Variants in ZNF37A observed in about 807,000 individuals in gnomAD.
ZNF37A encodes the protein zinc finger protein 37a (KOX 21).
A neutral mutation model predicts 12.3 loss-of-function variants in ZNF37A; 10 were observed. The ratio of observed to expected loss-of-function variants is 0.82; its 90% CI spans 0.50 to 1.38. The LOEUF (loss-of-function observed/expected upper bound fraction) is 1.38. Among genes scored for constraint, ZNF37A ranks in the 40% most tolerant of loss-of-function variants. The pLI is 0.00. For missense variants in ZNF37A, 580 were observed against 651.2 expected, an observed-to-expected ratio of 0.89 and a Z score of 1.19; for synonymous variants, 207 against 223.0, an observed-to-expected ratio of 0.93 and a Z score of 0.64.
rs527815979 is a variant in ZNF37A, at chr10:38,101,337, C to T, written c.15+4705C>T. ...AATTCTTAGATTTAGGTGTTTGATT[C>T]ATTTTGAGTTAATTTTTTTTTTTTT... On this transcript the variant is annotated intron_variant, in intron 5 of 7. Coordinates refer to ENST00000685332, the MANE Select transcript of ZNF37A (RefSeq NM_001324250.3). Among the ~76,000 whole-genome samples the T allele has an allele frequency of 3.4e-5, 5 of 145,470 alleles. No homozygotes were observed. In the South Asian group the frequency reaches 1.1e-3, roughly 31 times the overall value.
rs534270648 is a variant in ZNF37A, at chr10:38,106,669, A to T, written c.16-8086A>T. On this transcript the variant is annotated intron_variant, in intron 5 of 7. Coordinates refer to ENST00000685332, the MANE Select transcript of ZNF37A (RefSeq NM_001324250.3). ...GTTAGAGAAGAACATAAATCACCTG[A>T]TGGAGCTGAAAAACACAGCACAAGA... is the stretch of plus-strand genomic sequence containing the variant. Among the ~76,000 whole-genome samples, 9 of 152,282 alleles carry T rather than the reference A, an allele frequency of 5.9e-5. No individual in the cohort carries two copies. The South Asian group carries it at 1.9e-3, about 32-fold the overall frequency.
intron 5 of ZNF37A, among the ~76,000 whole-genome samples, chr10:38,103,449 GTTAGTTC>G (rs2067762021): frequency 6.6e-6 from 1 of 151,734 alleles, no homozygotes; most frequent in African/African-American, 2.4e-5. Flanking sequence ...CCTGGTTTCT[GTTAGTTC>G]TTTGTCTGCT....
rs1459943287 is a variant in ZNF37A at position 38,124,129 on chromosome 10, C to T, written c.*5292C>T. 2 of 152,148 alleles carry T rather than the reference C, an allele frequency of 1.3e-5. No homozygotes were observed. Among genetic ancestry groups the T allele is most frequent in the East Asian group, 3.9e-4 (2 of 5,192 alleles). 9.4% of individuals were successfully genotyped at this position (152,148 alleles called of 1,614,324 possible). A position where few individuals can be genotyped will look rare whatever the true frequency, so the allele number is the denominator to read the frequency against. On this transcript the variant is annotated 3_prime_UTR_variant, in exon 8 of 8. Coordinates refer to ENST00000685332, the MANE Select transcript of ZNF37A (RefSeq NM_001324250.3). Reference sequence around the variant, plus strand: ...ATAAATAAAATATGGTACATAAACACAATGGAGTACTATTCAGCCATAAAA... The same window carrying T: ...ATAAATAAAATATGGTACATAAACATAATGGAGTACTATTCAGCCATAAAA...
At chr10:38,094,728 A>G (rs917314319) in intron 1 of ZNF37A, among the ~76,000 whole-genome samples, 6 of 152,240 alleles carry the variant, frequency 3.9e-5, no homozygotes, top group African/African-American at 7.2e-5. Flanking sequence ...CTTCTGCCCA[A>G]TAGATGCGCG....
At chr10:38,124,900 G>A (rs1478316717), downstream of ZNF37A, 1 of 152,152 alleles carries the variant, frequency 6.6e-6, no homozygotes, top group Non-Finnish European at 1.5e-5. Flanking sequence ...CAGAATCACA[G>A]CCATAAACCA....
intron 5 of ZNF37A, among the ~76,000 whole-genome samples, chr10:38,114,351 T>C (rs2069065336): frequency 6.6e-6 from 1 of 152,236 alleles, no homozygotes. Context: ...CACAGAACAC[T>C]TTTATGATCC....
intron 5 of ZNF37A, among the ~76,000 whole-genome samples, chr10:38,110,774 A>ATGG (rs2068579591): frequency 6.6e-6 from 1 of 152,234 alleles, no homozygotes; most frequent in African/African-American, 2.4e-5. Flanking sequence ...AATCAAAACC[A>ATGG]CAATGAGATA....
At chr10:38,128,070 A>G (rs1218344714), downstream of ZNF37A, among the ~76,000 whole-genome samples, 1 of 152,164 alleles carries the variant, frequency 6.6e-6, no homozygotes, top group African/African-American at 2.4e-5. Flanking sequence ...TGGGGAAAAA[A>G]TGTAAGATCT....
In ZNF37A at chr10:38,118,623, G is replaced by T. The variant is rs766173892; in HGVS notation, c.1472G>T (p.Arg491Ile). The T allele has an allele frequency of 6.2e-7, 1 of 1,605,632 alleles. No individual in the cohort carries two copies. The highest frequency in any genetic ancestry group is 1.1e-5 in the South Asian group (1 of 90,994). Residue 491 changes from arginine to isoleucine, a missense_variant, in exon 8 of 8, where the codon AGA (arginine) becomes ATA (isoleucine). Physicochemically the swap from Arg to Ile is moderately conservative, Grantham distance 97. Coordinates refer to ENST00000685332, the MANE Select transcript of ZNF37A (RefSeq NM_001324250.3). ...ALIVHQRTHI[R>I]QKPYGCNQCG... is the part of the protein sequence containing the mutation. ...ATTGTTCACCAGAGAACTCATATAA[G>T]ACAGAAACCCTATGGATGTAATCAA... is the stretch of plus-strand genomic sequence containing the variant.
At chr10:38,101,085 T>G (rs1263965543) in intron 5 of ZNF37A, among the ~76,000 whole-genome samples, 6 of 152,328 alleles carry the variant, frequency 3.9e-5, no homozygotes, top group African/African-American at 1.4e-4. Context: ...TATTAATTCC[T>G]TATCAGATAC....
intron 5 of ZNF37A, among the ~76,000 whole-genome samples, chr10:38,099,032 C>A (rs544285284): frequency 6.6e-6 from 1 of 152,082 alleles, no homozygotes; most frequent in Admixed American, 6.5e-5. Context: ...TATTTCTTTC[C>A]AATTTGGGTG....
In ZNF37A at chr10:38,117,848, A is replaced by G; in HGVS notation, c.697A>G (p.Ile233Val). 5.6e-6 allele frequency: 9 copies of G among 1,614,072 alleles called. No homozygotes were observed. Among genetic ancestry groups the G allele is most frequent in the Non-Finnish European group, 6.8e-6 (8 of 1,179,996 alleles). ...CAGCCAGAAGTTAAATCTCACTCCA[A>G]TTCAGAGAACCCACTCAATTAACAA... ...PFSQKLNLTP[I>V]QRTHSINNII... The change falls in exon 8 of 8, where the codon ATT becomes GTT. Residue 233 changes from isoleucine (I) to valine (V), a missense_variant. Physicochemically the swap from Ile to Val is conservative, Grantham distance 29. Transcript: ENST00000685332.
intron 5 of ZNF37A, among the ~76,000 whole-genome samples, chr10:38,097,339 G>A (rs539548022): frequency 1.3e-5 from 2 of 152,210 alleles, no homozygotes; most frequent in African/African-American, 4.8e-5. Context: ...CAACACTTTG[G>A]GAGGGCGAGG....
At chr10:38,126,803 A>T (rs1054115311), downstream of ZNF37A, among the ~76,000 whole-genome samples, 3 of 152,066 alleles carry the variant, frequency 2.0e-5, no homozygotes, top group Non-Finnish European at 4.4e-5. Context: ...AGCCAACTAT[A>T]GCCATAACTG....
At chr10:38,136,101 T>C (rs2070104432) in intron 7 of ZNF37A, among the ~76,000 whole-genome samples, 1 of 152,176 alleles carries the variant, frequency 6.6e-6, no homozygotes, top group South Asian at 2.1e-4. Flanking sequence ...TGAGGTAAAA[T>C]AGTTTTTCTG....
chr10:38,101,909 G>A (rs117795163), intron 5 of ZNF37A, among the ~76,000 whole-genome samples: 6,360 of 146,878 alleles, frequency 0.043, 189 homozygotes, highest in Non-Finnish European at 0.061. Context: ...TGCAACCTCC[G>A]CCTCCAGGGT....
intron 7 of ZNF37A, chr10:38,137,800 G>A (rs1212916559): frequency 5.3e-5 from 8 of 152,196 alleles, no homozygotes; most frequent in South Asian, 2.1e-4. Flanking sequence ...AATAAACTAC[G>A]GAGGTTTAAA....
chr10:38,101,958 G>C (rs1219518427), intron 5 of ZNF37A, among the ~76,000 whole-genome samples: 1 of 151,588 alleles, frequency 6.6e-6, no homozygotes, highest in Non-Finnish European at 1.5e-5. Flanking sequence ...GAGGAGCTGG[G>C]ATTACTGGTG....
At chr10:38,110,584 C>T (rs2068556421) in intron 5 of ZNF37A, among the ~76,000 whole-genome samples, 1 of 152,080 alleles carries the variant, frequency 6.6e-6, no homozygotes, top group African/African-American at 2.4e-5. Flanking sequence ...GCAATCTATC[C>T]ATCTGACATA....
Sources: allele counts gnomAD v4.1 joint callset (sites outside exome capture counted in the v4.1 genomes callset), GRCh38; gene constraint gnomAD v4.1.1; transcripts MANE v1.5; gene names NCBI Gene and HGNC (gene_info 2026-07-23, HGNC 2026-07-21).